The following SNED1 variants were observed in gnomAD, a reference collection of about 807,000 sequenced individuals.
SNED1 encodes the protein sushi, nidogen and EGF-like domain-containing protein 1.
A neutral mutation model predicts 166.7 loss-of-function variants in SNED1; 81 were observed. That is an observed-to-expected ratio of 0.49 (90% CI 0.41 to 0.58). The LOEUF (loss-of-function observed/expected upper bound fraction) is 0.58. SNED1 is among the 20% of genes least tolerant of loss of function. SNED1 has a pLI of 0.00. For missense variants in SNED1, 1,604 were observed against 2,000.2 expected, an observed-to-expected ratio of 0.80 and a Z score of 3.78; for synonymous variants, 762 against 822.0, an observed-to-expected ratio of 0.93 and a Z score of 1.25.
chr2:241,053,272 C>G lies in SNED1; in HGVS notation c.2203C>G (p.Arg735Gly). 1.2e-6 allele frequency: 2 copies of G among 1,602,980 alleles called. No homozygotes were observed. Among genetic ancestry groups the G allele is most frequent in the Non-Finnish European group, 8.5e-7 (1 of 1,174,594 alleles). Residue 735 changes from arginine to glycine, a missense_variant, in exon 16 of 32, where the codon CGC becomes GGC. Arg to Gly is a moderately radical substitution (Grantham distance 125, BLOSUM62 -2). Coordinates refer to ENST00000310397, the MANE Select transcript of SNED1 (RefSeq NM_001080437.3). ...TGGCTACAGCCTGAGCGCCCCCAGC[C>G]GCATCCGGGTCTGCCAGCCACACGG... Reference protein sequence around the residue: ...DRGYSLSAPSRIRVCQPHGVW... With the variant: ...DRGYSLSAPSGIRVCQPHGVW...
chr2:241,021,005 C>A (rs1324110679), intron 1 of SNED1, among the ~76,000 whole-genome samples: 1 of 152,196 alleles, frequency 6.6e-6, no homozygotes, highest in Non-Finnish European at 1.5e-5. Context: ...AGGTTCCATC[C>A]TCAAGCTCAC....
At chr2:241,011,111 T>TGGGTCTCCTGGGGGTGGC in intron 1 of SNED1, among the ~76,000 whole-genome samples, 1 of 144,614 alleles carries the variant, frequency 6.9e-6, no homozygotes, top group East Asian at 2.1e-4. Flanking sequence ...GCAGGTCTCC[T>TGGGTCTCCTGGGGGTGGC]GGGTCTCCTG....
chr2:241,040,226 C>G, intron 7 of SNED1, 38 bp downstream of exon 7: 1 of 1,568,392 alleles, frequency 6.4e-7, no homozygotes, highest in South Asian at 1.2e-5. Context: ...GGGGCTCCTG[C>G]CCGTGGCCAG....
In SNED1 at chr2:241,001,972, C is replaced by T. The variant is rs564113289; in HGVS notation, c.213+2922C>T. Among the ~76,000 whole-genome samples the T allele has an allele frequency of 2.7e-3, 416 of 152,312 alleles. 4 individuals carry two copies. Among genetic ancestry groups the T allele is most frequent in the African/African-American group, 9.8e-3 (408 of 41,554 alleles). The stretch of plus-strand genomic sequence containing the variant: ...ACCCCCACTCTGTGCCCTGAGGCTT[C>T]GTGCCACACCGCAAGTCTGCTGGCT... On this transcript the variant is annotated intron_variant, in intron 1 of 31. Transcript: ENST00000310397.
At position 241,048,441 on chromosome 2, in the gene SNED1, G is replaced by A; in HGVS notation, c.1399+1G>A. ...TTCATGGGCCTGGACTGCAGGGAGA[G>A]TGCGTCTGGGCTGCAAGGGCTGCCG... On this transcript the variant is annotated splice_donor_variant, in intron 9 of 31. Transcript: ENST00000310397. LOFTEE classifies it high-confidence loss of function. The A allele has an allele frequency of 6.3e-7, 1 of 1,597,672 alleles. No individual in the cohort carries two copies.
At chr2:241,087,630 C>G (rs948731218) in intron 30 of SNED1, 155 bp downstream of exon 30, 53 of 1,436,788 alleles carry the variant, frequency 3.7e-5, no homozygotes, top group Admixed American at 1.2e-4. Context: ...CGTTCTGCTA[C>G]GAAACTGTAT....
intron 15 of SNED1, 116 bp downstream of exon 15, chr2:241,052,584 AGG>A (rs1366574490): frequency 7.3e-5 from 53 of 727,066 alleles, no homozygotes; most frequent in South Asian, 5.7e-4. Flanking sequence ...TGAGAGGGCC[AGG>A]GGGCCAAGCA....
chr2:241,003,212 G>C (rs1337515679), intron 1 of SNED1, among the ~76,000 whole-genome samples: 2 of 148,956 alleles, frequency 1.3e-5, no homozygotes, highest in Non-Finnish European at 1.5e-5. Context: ...TTGCTCCTTA[G>C]TTTTCTTGTT....
At chr2:241,031,551 G>T (rs1559239740) in intron 2 of SNED1, among the ~76,000 whole-genome samples, 2 of 152,242 alleles carry the variant, frequency 1.3e-5, no homozygotes, top group African/African-American at 4.8e-5. Context: ...GCATCAGGAA[G>T]TGCTCAGAAG....
At chr2:241,053,388 G>A (rs2061942292) in intron 16 of SNED1, 62 bp downstream of exon 16, 2 of 1,485,636 alleles carry the variant, frequency 1.3e-6, no homozygotes, top group African/African-American at 1.4e-5. Context: ...TCCTGGCCAT[G>A]TGGAGGAGCA....
rs1004348886 is a variant in SNED1, at chr2:241,013,573, C to T, written c.213+14523C>T. On this transcript the variant is annotated intron_variant, in intron 1 of 31. Transcript: ENST00000310397. The surrounding 1 kb of genome is among the most constrained non-coding windows in gnomAD (Gnocchi z 4.6). ...CAGGCTGGTCTTGAACTCCTGGCCTCAAGAGATCCTCCTGCCTCAGCCTCC... is the reference window on the plus strand; with the variant it reads ...CAGGCTGGTCTTGAACTCCTGGCCTTAAGAGATCCTCCTGCCTCAGCCTCC... 2.0e-5 allele frequency among the ~76,000 whole-genome samples: 3 copies of T among 152,078 alleles called. No homozygotes were observed. The highest frequency in any genetic ancestry group is 4.4e-5 in the Non-Finnish European group (3 of 68,010).
rs756682366 is a variant in SNED1 at position 241,053,353 on chromosome 2, G to A, written c.2257+27G>A. 1.9e-5 allele frequency: 29 copies of A among 1,538,820 alleles called. No individual in the cohort carries two copies. In the African/African-American group the frequency reaches 3.1e-4, roughly 17 times the overall value. ...TGATTCTGTGGGCCCTTGGGGTGGG[G>A]CAGGTGGGGCCCACACCCTCCTCAT... is the stretch of plus-strand genomic sequence containing the variant. On this transcript the variant is annotated intron_variant, in intron 16 of 31. Coordinates refer to ENST00000310397, the MANE Select transcript of SNED1 (RefSeq NM_001080437.3).
chr2:241,086,877 G>A (rs569397769), intron 29 of SNED1, among the ~76,000 whole-genome samples: 18 of 152,316 alleles, frequency 1.2e-4, no homozygotes, highest in East Asian at 9.6e-4. Flanking sequence ...ACCTGCAACC[G>A]AGGCTTAAAA....
At chr2:241,062,008 TGGA>T (rs1288632302) in intron 16 of SNED1, among the ~76,000 whole-genome samples, 1 of 152,206 alleles carries the variant, frequency 6.6e-6, no homozygotes, top group Non-Finnish European at 1.5e-5. Context: ...ACCTACAGTG[TGGA>T]GTTCTCTTCT....
At position 240,999,835 on chromosome 2, in the gene SNED1, G is replaced by A. The variant is rs1360936098; in HGVS notation, c.213+785G>A. Among the ~76,000 whole-genome samples, 1 of 152,138 alleles carries A rather than the reference G, an allele frequency of 6.6e-6. No individual in the cohort carries two copies. The highest frequency in any genetic ancestry group is 2.4e-5 in the African/African-American group (1 of 41,408). Reference sequence around the variant, plus strand: ...GAAATGCACCTGGTAACTGCATGGAGCACTCGCCCTGAGTAGGCCACGGTG... The same window carrying A: ...GAAATGCACCTGGTAACTGCATGGAACACTCGCCCTGAGTAGGCCACGGTG... On this transcript the variant is annotated intron_variant, in intron 1 of 31. Transcript: ENST00000310397. This position sits in a 1 kb window ranked among gnomAD's most constrained non-coding sequence, Gnocchi z 5.8.
intron 8 of SNED1, among the ~76,000 whole-genome samples, chr2:241,044,063 A>G (rs1029356286): frequency 5.3e-5 from 8 of 152,334 alleles, no homozygotes; most frequent in African/African-American, 1.9e-4. Context: ...AATAATAAAG[A>G]ATTACAGCTA....
In SNED1 at chr2:241,065,443, G is replaced by A. The variant is rs1369485270; in HGVS notation, c.2858G>A (p.Arg953His). 2 of 1,613,026 alleles carry A rather than the reference G, an allele frequency of 1.2e-6. No individual in the cohort carries two copies. The highest frequency in any genetic ancestry group is 1.1e-5 in the South Asian group (1 of 91,070). The part of the protein sequence containing the change: ...VTYVSSDGSY[R>H]RTDFVDRTRS... The stretch of plus-strand genomic sequence containing the variant: ...TACGTCTCCTCCGACGGCTCCTACC[G>A]CCGCACAGACTTTGTGGACAGGACC... Residue 953 changes from arginine to histidine, a missense_variant, in exon 21 of 32, where the codon CGC (arginine) becomes CAC (histidine). By Grantham distance (29) the Arg-to-His change is conservative. Around this residue, in one of 2 missense-constraint regions of SNED1, gnomAD observed 1,237 missense variants for 1,620.8 expected, o/e 0.76. Coordinates refer to ENST00000310397, the MANE Select transcript of SNED1 (RefSeq NM_001080437.3).
At chr2:241,063,381 G>GA in intron 17 of SNED1, 1 of 598,056 alleles carries the variant, frequency 1.7e-6, no homozygotes, top group South Asian at 1.8e-5. Flanking sequence ...CCTGGAGGTG[G>GA]GGCTTTGCCA....
chr2:241,071,343 G>A (rs957231371), intron 24 of SNED1: 4 of 595,088 alleles, frequency 6.7e-6, no homozygotes, highest in African/African-American at 1.9e-5. Flanking sequence ...GTGCACGCCT[G>A]TGTCATGGCT....
Sources: allele counts gnomAD v4.1 joint callset (sites outside exome capture counted in the v4.1 genomes callset), GRCh38; gene constraint gnomAD v4.1.1; regional missense constraint gnomAD v4.1.1; non-coding constraint Gnocchi (gnomAD v3.1); transcripts MANE v1.5; gene names NCBI Gene and HGNC (gene_info 2026-07-23, HGNC 2026-07-21).